PRKCE: variants seen among roughly 807,000 people sequenced by gnomAD.
The protein encoded by PRKCE is protein kinase C epsilon type.
PRKCE carries 16 observed loss-of-function variants against 85.4 expected under a neutral mutation model. The observed-to-expected ratio is 0.19, with a 90% CI of 0.13 to 0.28. The LOEUF is 0.28. PRKCE is among the 10% of genes least tolerant of loss of function. The pLI is 1.00. For missense variants in PRKCE, 573 were observed against 975.2 expected, an observed-to-expected ratio of 0.59 and a Z score of 5.49; for synonymous variants, 388 against 371.5, an observed-to-expected ratio of 1.04 and a Z score of -0.51.
At chr2:45,785,580 A>G (rs1375563847) in intron 1 of PRKCE, among the ~76,000 whole-genome samples, 1 of 152,128 alleles carries the variant, frequency 6.6e-6, no homozygotes, top group African/African-American at 2.4e-5. Flanking sequence ...GGTTTGAGAA[A>G]CGCTGTAGAA....
intron 1 of PRKCE, among the ~76,000 whole-genome samples, chr2:45,670,097 T>C (rs904091059): frequency 1.3e-5 from 2 of 152,256 alleles, no homozygotes; most frequent in African/African-American, 4.8e-5. Flanking sequence ...GACGCACTAA[T>C]ATTATTTAAG....
chr2:45,831,420 G>A (rs1435985028), intron 1 of PRKCE, among the ~76,000 whole-genome samples: 2 of 152,214 alleles, frequency 1.3e-5, no homozygotes, highest in Non-Finnish European at 2.9e-5. Flanking sequence ...AGGGTGGCAG[G>A]CAGAGGATGG....
At position 45,884,954 on chromosome 2, in the gene PRKCE, C is replaced by CAT. The variant is rs745477412; in HGVS notation, c.412+41938_412+41939dup. 8.5e-3 allele frequency among the ~76,000 whole-genome samples: 318 copies of CAT among 37,400 alleles called. 1 individual carries two copies. The highest frequency in any genetic ancestry group is 9.8e-3 in the Non-Finnish European group (204 of 20,818). 24.5% of individuals were successfully genotyped at this position (37,400 alleles called of 152,430 possible). On this transcript the variant is annotated intron_variant, in intron 2 of 14. Transcript: ENST00000306156. ...TGCGTGTGATCTGTTATATGTGATC[C>CAT]ATATATATATATATATATATATATA...
At chr2:45,827,453 A>G (rs971616438) in intron 1 of PRKCE, among the ~76,000 whole-genome samples, 2 of 152,166 alleles carry the variant, frequency 1.3e-5, no homozygotes, top group Non-Finnish European at 1.5e-5. Flanking sequence ...GCTTGAGCAT[A>G]TGTGAGTCTC....
At chr2:45,802,710 A>T (rs1687962009) in intron 1 of PRKCE, among the ~76,000 whole-genome samples, 1 of 152,278 alleles carries the variant, frequency 6.6e-6, no homozygotes, top group South Asian at 2.1e-4. Flanking sequence ...CTCTGAAAGC[A>T]GAAAGGCTGG....
chr2:45,744,409 TTTCTTTTC>T (rs1254120608), intron 1 of PRKCE, among the ~76,000 whole-genome samples: 6 of 150,662 alleles, frequency 4.0e-5, no homozygotes, highest in Non-Finnish European at 8.9e-5. Context: ...CTCTCTTTCT[TTTCTTTTC>T]TTTCTTTCTT....
intron 14 of PRKCE, among the ~76,000 whole-genome samples, chr2:46,171,022 AG>A (rs1220449052): frequency 6.6e-6 from 1 of 152,210 alleles, no homozygotes; most frequent in Non-Finnish European, 1.5e-5. Context: ...TAAATGAAAA[AG>A]GTCCCCCAGT....
chr2:46,079,981 G>A (rs564393846), intron 10 of PRKCE, among the ~76,000 whole-genome samples: 2 of 152,248 alleles, frequency 1.3e-5, no homozygotes, highest in Non-Finnish European at 2.9e-5. Context: ...TCACAAGACC[G>A]TAACTTTTTA....
At chr2:45,760,689 T>C (rs750257707) in intron 1 of PRKCE, among the ~76,000 whole-genome samples, 1 of 152,102 alleles carries the variant, frequency 6.6e-6, no homozygotes, top group Non-Finnish European at 1.5e-5. Context: ...GAAGACAAAT[T>C]CCCAAAGGAG....
In PRKCE at chr2:46,123,575, G is replaced by A. The variant is rs530483394; in HGVS notation, c.1593-21518G>A. ...ATGATCTGAGCTCACTGCAATCTCC[G>A]CTTCCCAGGTTCAAGCAATTCTCAT... On this transcript the variant is annotated intron_variant, in intron 11 of 14. Coordinates refer to ENST00000306156, the MANE Select transcript of PRKCE (RefSeq NM_005400.3). Among the ~76,000 whole-genome samples the A allele has an allele frequency of 1.9e-4, 29 of 152,202 alleles. No individual in the cohort carries two copies. The East Asian group carries it at 3.1e-3, about 16-fold the overall frequency.
At chr2:45,909,796 C>G (rs1275271047) in intron 2 of PRKCE, among the ~76,000 whole-genome samples, 3 of 152,206 alleles carry the variant, frequency 2.0e-5, no homozygotes, top group Admixed American at 2.0e-4. Flanking sequence ...GTCACCATAC[C>G]TGTCTCTTTC....
chr2:46,031,591 C>CGTGTGTGTGTGTGT lies in PRKCE; in HGVS notation c.1437+21105_1437+21118dup, dbSNP rs58684318. ...GTCTTCTACCCCTTTACATTCTGCT[C>CGTGTGTGTGTGTGT]GTGTGTGTGTGTGTGTGTGTGTGTG... On this transcript the variant is annotated intron_variant, in intron 10 of 14. Transcript: ENST00000306156. Among the ~76,000 whole-genome samples, 145 of 144,116 alleles carry CGTGTGTGTGTGTGT rather than the reference C, an allele frequency of 1.0e-3. 1 individual carries two copies. Among genetic ancestry groups the CGTGTGTGTGTGTGT allele is most frequent in the Middle Eastern group, 3.5e-3 (1 of 286 alleles). The allele number at this position is 144,116 out of a possible 152,430, so 94.5% of individuals were successfully genotyped here.
chr2:45,827,971 C>T (rs924913063), intron 1 of PRKCE, among the ~76,000 whole-genome samples: 9 of 151,956 alleles, frequency 5.9e-5, no homozygotes, highest in East Asian at 1.9e-4. Context: ...ATAAAGAACT[C>T]GAGACAAATA....
chr2:45,986,760 C>G (rs1157024909), intron 6 of PRKCE, among the ~76,000 whole-genome samples: 1 of 152,106 alleles, frequency 6.6e-6, no homozygotes, highest in Non-Finnish European at 1.5e-5. Flanking sequence ...TGTGGACATG[C>G]CCAGCATCCT....
At chr2:46,065,290 G>A (rs933336811) in intron 10 of PRKCE, among the ~76,000 whole-genome samples, 1 of 151,964 alleles carries the variant, frequency 6.6e-6, no homozygotes, top group East Asian at 1.9e-4. Context: ...GTGTCTGTGG[G>A]TAAACTAAGC....
intron 1 of PRKCE, among the ~76,000 whole-genome samples, chr2:45,779,773 ATTTAT>A (rs1286859129): frequency 3.9e-5 from 6 of 152,132 alleles, no homozygotes; most frequent in East Asian, 1.9e-4. Flanking sequence ...ATGTAGTGTG[ATTTAT>A]TTTAATAGGG....
chr2:45,651,621 G>T (rs687914), upstream of PRKCE: 26,597 of 156,216 alleles, frequency 0.17, 2,911 homozygotes, highest in Non-Finnish European at 0.24. Flanking sequence ...TGAAATCTGC[G>T]CCCCCGGTTC....
chr2:45,988,334 C>G (rs1007449730), intron 6 of PRKCE, among the ~76,000 whole-genome samples: 2 of 152,246 alleles, frequency 1.3e-5, no homozygotes, highest in African/African-American at 4.8e-5. Context: ...CCTGGTCACT[C>G]TTTCTCCAGT....
Position 45,984,686 on chromosome 2 carries a change from TTGCTCCCTGCCC to T in PRKCE, c.823+10_823+21del, listed in dbSNP as rs781275295. The T allele has an allele frequency of 1.3e-6, 2 of 1,597,318 alleles. No individual in the cohort carries two copies. Among genetic ancestry groups the T allele is most frequent in the South Asian group, 2.2e-5 (2 of 90,906 alleles). On this transcript the variant is annotated splice_region_variant and intron_variant, in intron 6 of 14. Transcript: ENST00000306156. ...GCAGGGTTTGCAGTGTAAAGGTAAG[TTGCTCCCTGCCC>T]TGCCCTCAGCCCCTGCATGTCCCCT...
Sources: gnomAD v4.1 joint callset for allele counts (sites outside exome capture counted in the v4.1 genomes callset) on GRCh38, gnomAD v4.1.1 for gene constraint, MANE v1.5 for transcripts, NCBI Gene and HGNC (gene_info 2026-07-23, HGNC 2026-07-21) for gene names.